DLG2: variants seen among roughly 807,000 people sequenced by gnomAD.
DLG2 encodes disks large homolog 2.
A neutral mutation model predicts 132.5 loss-of-function variants in DLG2; 45 were observed. The observed-to-expected ratio is 0.34, with a 90% CI of 0.27 to 0.44. The LOEUF (loss-of-function observed/expected upper bound fraction) is 0.44. DLG2 is among the 20% of genes least tolerant of loss of function. The probability of loss-of-function intolerance (pLI) is 1.00; values close to 1 mark genes in which losing one functional copy is unlikely to be tolerated. For missense variants in DLG2, 1,045 were observed against 1,196.9 expected, an observed-to-expected ratio of 0.87 and a Z score of 1.87; for synonymous variants, 424 against 419.6, an observed-to-expected ratio of 1.01 and a Z score of -0.13.
chr11:84,451,593 C>G (rs1026135599), intron 7 of DLG2, among the ~76,000 whole-genome samples: 1 of 151,704 alleles, frequency 6.6e-6, no homozygotes, highest in Non-Finnish European at 1.5e-5. Context: ...AGTAATCCCT[C>G]CTCCACTTAT....
intron 6 of DLG2, among the ~76,000 whole-genome samples, chr11:84,663,856 C>T (rs905315047): frequency 4.7e-4 from 71 of 152,168 alleles, no homozygotes; most frequent in African/African-American, 1.7e-3. Context: ...GCCAATTCCA[C>T]TCCTGCTATT....
chr11:85,283,076 C>T (rs2078336020), intron 4 of DLG2, among the ~76,000 whole-genome samples: 1 of 151,766 alleles, frequency 6.6e-6, no homozygotes, highest in Non-Finnish European at 1.5e-5. Flanking sequence ...CAGACACTGG[C>T]ACCTACTAGA....
At chr11:84,216,247 C>T (rs2096834053) in intron 8 of DLG2, among the ~76,000 whole-genome samples, 1 of 152,110 alleles carries the variant, frequency 6.6e-6, no homozygotes, top group Admixed American at 6.6e-5. Flanking sequence ...TTCTGAGTTT[C>T]TCTTCTTATT....
intron 7 of DLG2, among the ~76,000 whole-genome samples, chr11:84,510,740 C>T (rs992406953): frequency 2.6e-5 from 4 of 152,036 alleles, no homozygotes; most frequent in African/African-American, 7.2e-5. Flanking sequence ...TTTTATTCAT[C>T]TTTTATTCTC....
intron 3 of DLG2, among the ~76,000 whole-genome samples, chr11:85,424,854 G>A (rs1051153650): frequency 6.6e-6 from 1 of 152,070 alleles, no homozygotes; most frequent in Non-Finnish European, 1.5e-5. Flanking sequence ...ACCAAACACT[G>A]GATCTCCCAG....
intron 6 of DLG2, among the ~76,000 whole-genome samples, chr11:84,659,045 T>C (rs917866221): frequency 3.9e-5 from 6 of 152,214 alleles, no homozygotes; most frequent in African/African-American, 1.4e-4. Context: ...TAAATTTCTG[T>C]GGTTTATAAG....
intron 7 of DLG2, among the ~76,000 whole-genome samples, chr11:84,377,753 T>C (rs1458397541): frequency 6.6e-6 from 1 of 152,154 alleles, no homozygotes; most frequent in African/African-American, 2.4e-5. Context: ...AGGTGAAATA[T>C]TTAAAACATA....
chr11:85,420,721 G>C (rs2090227171), intron 3 of DLG2, among the ~76,000 whole-genome samples: 1 of 152,184 alleles, frequency 6.6e-6, no homozygotes, highest in African/African-American at 2.4e-5. Context: ...TGACAGCTTT[G>C]TTTACACTGT....
At chr11:84,037,272 GTCTC>G (rs1427147535) in intron 11 of DLG2, among the ~76,000 whole-genome samples, 1 of 152,066 alleles carries the variant, frequency 6.6e-6, no homozygotes, top group African/African-American at 2.4e-5. Context: ...TTGTTCTAAT[GTCTC>G]TCTTTTTAAA....
chr11:85,198,453 C>T (rs567835792), intron 4 of DLG2, among the ~76,000 whole-genome samples: 10 of 152,196 alleles, frequency 6.6e-5, no homozygotes, highest in East Asian at 5.8e-4. Context: ...ACAACCCAGA[C>T]ATTACTTATA....
intron 7 of DLG2, among the ~76,000 whole-genome samples, chr11:84,442,625 CCTAT>C (rs2099020798): frequency 1.3e-5 from 2 of 151,736 alleles, no homozygotes; most frequent in South Asian, 2.1e-4. Context: ...CACATGTATA[CCTAT>C]CTAACAAACT....
chr11:83,499,852 GATATATATATATATATATATAT>G lies in DLG2; in HGVS notation c.2194-15646_2194-15625del, dbSNP rs60890814. Among the ~76,000 whole-genome samples, 184 of 61,640 alleles carry G rather than the reference GATATATATATATATATATATAT, an allele frequency of 3.0e-3. 1 individual carries two copies. Among genetic ancestry groups the G allele is most frequent in the African/African-American group, 6.4e-3 (130 of 20,202 alleles). 40.4% of individuals were successfully genotyped at this position (61,640 alleles called of 152,430 possible). On this transcript the variant is annotated intron_variant, in intron 21 of 27. Coordinates refer to ENST00000376104, the MANE Select transcript of DLG2 (RefSeq NM_001142699.3). The stretch of plus-strand genomic sequence containing the variant: ...ATATATATTTCCTCCACTAATAGGA[GATATATATATATATATATATAT>G]ATATATATATATATATATATATATC...
At chr11:83,955,751 G>A (rs1259649471) in intron 14 of DLG2, among the ~76,000 whole-genome samples, 1 of 152,174 alleles carries the variant, frequency 6.6e-6, no homozygotes, top group Non-Finnish European at 1.5e-5. Flanking sequence ...ATAAAAGCAG[G>A]CAGAGGAACA....
chr11:85,419,303 G>C (rs1037990784), intron 3 of DLG2, among the ~76,000 whole-genome samples: 12 of 152,192 alleles, frequency 7.9e-5, no homozygotes, highest in African/African-American at 2.9e-4. Flanking sequence ...ATGTTAGTCT[G>C]ATGAGATTCC....
intron 7 of DLG2, among the ~76,000 whole-genome samples, chr11:84,499,440 T>G (rs2099195753): frequency 1.3e-5 from 2 of 152,162 alleles, no homozygotes; most frequent in African/African-American, 2.4e-5. Flanking sequence ...TCTAAAGAGG[T>G]GCTAACACAT....
At chr11:84,229,951 G>C (rs2097066723) in intron 8 of DLG2, among the ~76,000 whole-genome samples, 1 of 152,106 alleles carries the variant, frequency 6.6e-6, no homozygotes, top group South Asian at 2.1e-4. Flanking sequence ...AAACATTTAA[G>C]CTAGTCAAGA....
chr11:84,180,970 TAAAGAA>T (rs2096107896), intron 8 of DLG2, among the ~76,000 whole-genome samples: 1 of 151,710 alleles, frequency 6.6e-6, no homozygotes, highest in Admixed American at 6.6e-5. Flanking sequence ...TTGATCTACA[TAAAGAA>T]AGAAAGAGCT....
intron 14 of DLG2, among the ~76,000 whole-genome samples, chr11:83,932,044 T>C (rs1013012450): frequency 1.3e-5 from 2 of 152,194 alleles, no homozygotes; most frequent in African/African-American, 2.4e-5. Context: ...GTTTCTTTTG[T>C]TGATTGTGAG....
At chr11:84,018,362 C>T (rs1471638069) in intron 11 of DLG2, among the ~76,000 whole-genome samples, 1 of 151,894 alleles carries the variant, frequency 6.6e-6, no homozygotes, top group African/African-American at 2.4e-5. Context: ...AACTCATTAT[C>T]TTGAGAACTG....
Sources: allele counts gnomAD v4.1 joint callset (sites outside exome capture counted in the v4.1 genomes callset), GRCh38; gene constraint gnomAD v4.1.1; transcripts MANE v1.5; gene names NCBI Gene and HGNC (gene_info 2026-07-23, HGNC 2026-07-21).